The following WASHC4 variants were observed in gnomAD, a reference collection of about 807,000 sequenced individuals.
WASHC4 encodes the protein WASH complex subunit 7.
Under a neutral mutation model 166.6 loss-of-function variants are expected in WASHC4, and 86 were observed. The observed-to-expected ratio is 0.52, with a 90% confidence interval of 0.43 to 0.62. The LOEUF is 0.62. Ranked by LOEUF, WASHC4 falls within the 20% of genes least tolerant of loss-of-function variation. The pLI is 0.00. For missense variants in WASHC4, 1,262 were observed against 1,382.4 expected, an observed-to-expected ratio of 0.91 and a Z score of 1.38; for synonymous variants, 446 against 451.6, an observed-to-expected ratio of 0.99 and a Z score of 0.16.
At chr12:105,107,933 G>A (rs1183274043) in intron 1 of WASHC4, 72 bp downstream of exon 1, 4 of 1,170,478 alleles carry the variant, frequency 3.4e-6, no homozygotes, top group Non-Finnish European at 2.5e-6. Context: ...GCTGGGCAGC[G>A]CTCCTGCGAG....
intron 10 of WASHC4, among the ~76,000 whole-genome samples, chr12:105,123,049 T>G (rs1349607801): frequency 6.6e-6 from 1 of 152,204 alleles, no homozygotes; most frequent in African/African-American, 2.4e-5. Flanking sequence ...GCGCGGTGGC[T>G]CATGCCTGTA....
In WASHC4 at chr12:105,147,121, A is replaced by G; in HGVS notation, c.2489A>G (p.His830Arg). The G allele has an allele frequency of 6.2e-7, 1 of 1,605,330 alleles. No individual in the cohort carries two copies. Among genetic ancestry groups the G allele is most frequent in the Non-Finnish European group, 8.5e-7 (1 of 1,171,966 alleles). Reference protein sequence around the residue: ...IRHIANSIRTHGTGIMNTTVN... With the variant: ...IRHIANSIRTRGTGIMNTTVN... ...CATATTGCTAATTCAATTCGAACAC[A>G]TGGCACGGGAATTATGAATACAACT... Residue 830 changes from histidine to arginine, a missense_variant, in exon 24 of 33, where the codon CAT (histidine) becomes CGT (arginine). Coordinates refer to ENST00000332180, the MANE Select transcript of WASHC4 (RefSeq NM_015275.3).
At chr12:105,142,641 G>T in intron 19 of WASHC4, 83 bp downstream of exon 19, 2 of 673,482 alleles carry the variant, frequency 3.0e-6, no homozygotes, top group South Asian at 3.1e-5. Flanking sequence ...TAGATCATTT[G>T]ATTTAATAAA....
Position 105,160,143 on chromosome 12 carries a change from C to T in WASHC4, c.3055C>T (p.Pro1019Ser). The T allele has an allele frequency of 6.2e-7, 1 of 1,613,362 alleles. No individual in the cohort carries two copies. The highest frequency in any genetic ancestry group is 8.5e-7 in the Non-Finnish European group (1 of 1,179,426). ...CCGAAATTTCTATATAATTGTTCCC[C>T]CTCTGGTGAGTATTTCCAGAACCTA... ...HLRNFYIIVP[P>S]LTLNFVEHSI... is the part of the protein sequence containing the mutation. The change falls in exon 29 of 33, where the codon CCT becomes TCT. Residue 1019 changes from proline to serine, a missense_variant. Transcript: ENST00000332180.
Position 105,114,216 on chromosome 12 carries a change from CT to C in WASHC4, c.206del (p.Leu69CysfsTer12). On this transcript the variant is annotated frameshift_variant and splice_region_variant, in exon 3 of 33. Coordinates refer to ENST00000332180, the MANE Select transcript of WASHC4 (RefSeq NM_015275.3). LOFTEE classifies it high-confidence loss of function. The stretch of plus-strand genomic sequence containing the variant: ...ATGTTCTTTTCCTTTGTTTCTGTAG[CT>C]TTTGCCTTATGAACAGTCCTCTCTT... ...DFNLDPIALKLLPYEQSSLLE... is the reference protein window; with the variant it reads ...DFNLDPIALKXLPYEQSSLLE... The C allele has an allele frequency of 6.2e-7, 1 of 1,608,872 alleles. No homozygotes were observed. The highest frequency in any genetic ancestry group is 8.5e-7 in the Non-Finnish European group (1 of 1,176,700).
At chr12:105,152,527 T>C in intron 26 of WASHC4, 76 bp downstream of exon 26, 1 of 862,748 alleles carries the variant, frequency 1.2e-6, no homozygotes, top group South Asian at 1.4e-5. Context: ...TATTTCACAC[T>C]AATAAGCAGC....
At chr12:105,114,472 A>G in intron 4 of WASHC4, 45 bp downstream of exon 4, 2 of 1,228,416 alleles carry the variant, frequency 1.6e-6, no homozygotes, top group Non-Finnish European at 1.2e-6. Context: ...AACATCATTT[A>G]GAAGCAAGTA....
At position 105,141,212 on chromosome 12, in the gene WASHC4, A is replaced by G. The variant is rs1437277957; in HGVS notation, c.1753A>G (p.Lys585Glu). 1.2e-6 allele frequency: 2 copies of G among 1,612,814 alleles called. No individual in the cohort carries two copies. Among genetic ancestry groups the G allele is most frequent in the Non-Finnish European group, 1.7e-6 (2 of 1,178,800 alleles). ...ACTCTTTCCACTTCAAGTAGTCATG[A>G]AAAAACTGGATCTTATTAGTGAACT... Reference protein sequence around the residue: ...EELFPLQVVMKKLDLISELRE... With the variant: ...EELFPLQVVMEKLDLISELRE... Residue 585 changes from lysine to glutamate, a missense_variant, in exon 18 of 33, where the codon AAA becomes GAA. Coordinates refer to ENST00000332180, the MANE Select transcript of WASHC4 (RefSeq NM_015275.3).
At chr12:105,133,678 G>A in intron 13 of WASHC4, 92 bp from the exon 14 acceptor site, 1 of 1,059,608 alleles carries the variant, frequency 9.4e-7, no homozygotes, top group Non-Finnish European at 1.4e-6. Flanking sequence ...AAGATGAAAT[G>A]ACTGCTGCAG....
At chr12:105,119,206 A>G (rs1026505719) in intron 7 of WASHC4, among the ~76,000 whole-genome samples, 1 of 152,198 alleles carries the variant, frequency 6.6e-6, no homozygotes, top group Non-Finnish European at 1.5e-5. Flanking sequence ...GCCACTGAGG[A>G]GGTGATACTG....
intron 24 of WASHC4, chr12:105,148,293 G>C (rs1204475288): frequency 4.1e-6 from 4 of 985,222 alleles, no homozygotes; most frequent in Admixed American, 6.2e-5. Context: ...GTACCTTTGA[G>C]GATAAATAAA....
intron 32 of WASHC4, among the ~76,000 whole-genome samples, chr12:105,165,680 G>A (rs1460084618): frequency 6.6e-6 from 1 of 151,960 alleles, no homozygotes; most frequent in Non-Finnish European, 1.5e-5. Flanking sequence ...TAGAGTAGAG[G>A]TGACTCATTG....
intron 28 of WASHC4, among the ~76,000 whole-genome samples, chr12:105,159,260 C>G (rs545931519): frequency 1.3e-5 from 2 of 152,294 alleles, no homozygotes; most frequent in East Asian, 3.9e-4. Context: ...CTTCTAAGAT[C>G]TCTAGGGTAA....
At chr12:105,127,598 A>G (rs566506467) in intron 13 of WASHC4, among the ~76,000 whole-genome samples, 1 of 152,320 alleles carries the variant, frequency 6.6e-6, no homozygotes. Flanking sequence ...AGTAGATATC[A>G]TTTGATGACA....
chr12:105,125,536 A>G (rs887562003), intron 10 of WASHC4, among the ~76,000 whole-genome samples: 3 of 152,180 alleles, frequency 2.0e-5, no homozygotes. Flanking sequence ...TTAAGCGTCA[A>G]CTATATATCA....
Position 105,133,817 on chromosome 12 carries a change from T to C in WASHC4, c.1247T>C (p.Met416Thr). The C allele has an allele frequency of 6.2e-7, 1 of 1,612,026 alleles. No individual in the cohort carries two copies. Among genetic ancestry groups the C allele is most frequent in the Non-Finnish European group, 8.5e-7 (1 of 1,178,446 alleles). The change falls in exon 14 of 33, where the codon ATG becomes ACG. Residue 416 changes from methionine (M) to threonine (T), a missense_variant. Transcript: ENST00000332180. ...YVFVSSWMMK[M>T]ESILSKEQRM... The stretch of plus-strand genomic sequence containing the variant: ...TTTGTGAGCTCATGGATGATGAAAA[T>C]GGAATCTATTTTGTCTAAAGAGCAG...
At chr12:105,144,144 T>G in intron 20 of WASHC4, 143 bp from the exon 21 acceptor site, 1 of 639,206 alleles carries the variant, frequency 1.6e-6, no homozygotes, top group Non-Finnish European at 2.7e-6. Context: ...CCTTAAGGTA[T>G]TGGTGAAAAT....
At position 105,107,795 on chromosome 12, in the gene WASHC4, G is replaced by T; in HGVS notation, c.-6G>T. On this transcript the variant is annotated 5_prime_UTR_variant, in exon 1 of 33. Transcript: ENST00000332180. ...TGGGGCTGTGTCTGTGGGAGGCGCC[G>T]GGGTGATGGCGGTGGAGACTCTGTC... The T allele has an allele frequency of 1.3e-6, 2 of 1,549,918 alleles. No individual in the cohort carries two copies. The highest frequency in any genetic ancestry group is 1.7e-6 in the Non-Finnish European group (2 of 1,145,672).
At chr12:105,157,909 C>CAAA (rs1566028896) in intron 28 of WASHC4, among the ~76,000 whole-genome samples, 1 of 152,218 alleles carries the variant, frequency 6.6e-6, no homozygotes, top group African/African-American at 2.4e-5. Context: ...TGTCCCATAA[C>CAAA]ACGAGAGGCA....
Sources: allele counts gnomAD v4.1 joint callset (sites outside exome capture counted in the v4.1 genomes callset), GRCh38; gene constraint gnomAD v4.1.1; transcripts MANE v1.5; gene names NCBI Gene and HGNC (gene_info 2026-07-23, HGNC 2026-07-21).